The following MRAP2 variants were observed in gnomAD, a reference collection of about 807,000 sequenced individuals.
The protein encoded by MRAP2 is melanocortin-2 receptor accessory protein 2.
A neutral mutation model predicts 17.4 loss-of-function variants in MRAP2; 20 were observed. The ratio of observed to expected loss-of-function variants is 1.15; its 90% CI spans 0.81 to 1.67. MRAP2 has a LOEUF of 1.67. MRAP2 is among the 40% of genes most tolerant of loss of function. The probability of loss-of-function intolerance (pLI) is 0.00; values close to 1 mark genes in which losing one functional copy is unlikely to be tolerated. For synonymous variants in MRAP2, 96 were observed against 88.4 expected (o/e 1.09, Z -0.48); for missense variants, 238 against 240.0 (o/e 0.99, Z 0.05).
the MRAP2 span, among the ~76,000 whole-genome samples, chr6:84,145,952 T>C: frequency 6.6e-6 from 1 of 152,116 alleles, no homozygotes; most frequent in Non-Finnish European, 1.5e-5. Context: ...ATGCCTCTTA[T>C]TAGATCACCA....
intron 3 of MRAP2, among the ~76,000 whole-genome samples, chr6:84,070,986 C>A (rs2099496062): frequency 6.6e-6 from 1 of 152,086 alleles, no homozygotes; most frequent in African/African-American, 2.4e-5. Context: ...CTGAAGACAG[C>A]AGGTAGTTGG....
the MRAP2 span, among the ~76,000 whole-genome samples, chr6:84,136,831 T>C: frequency 6.6e-6 from 1 of 152,218 alleles, no homozygotes; most frequent in Non-Finnish European, 1.5e-5. Flanking sequence ...TTCTTCTGCA[T>C]GAGAAACTGA....
At chr6:84,115,843 A>G in the MRAP2 span, among the ~76,000 whole-genome samples, 1 of 151,834 alleles carries the variant, frequency 6.6e-6, no homozygotes, top group Non-Finnish European at 1.5e-5. Flanking sequence ...GAATTCCCTG[A>G]CCCTTTGTGC....
At chr6:84,068,629 TTTTTTTG>T (rs1257355339) in intron 3 of MRAP2, among the ~76,000 whole-genome samples, 3 of 151,862 alleles carry the variant, frequency 2.0e-5, no homozygotes, top group Admixed American at 6.6e-5. Context: ...CCTAAGTTTG[TTTTTTTG>T]TTTTTTGTTT....
intron 1 of MRAP2, among the ~76,000 whole-genome samples, chr6:84,053,269 T>C (rs2099490902): frequency 6.6e-6 from 1 of 152,236 alleles, no homozygotes; most frequent in South Asian, 2.1e-4. Flanking sequence ...TCTGCTATTA[T>C]AGTAGCTGTA....
In MRAP2 at chr6:84,089,374, A is replaced by C; in HGVS notation, c.511A>C (p.Asn171His). ...LMKFDIPNFV[N>H]TDQNYFGEDD... ...GAAGTTTGACATCCCCAACTTTGTG[A>C]ACACAGACCAGAACTACTTTGGGGA... The change falls in exon 4 of 4, where the codon AAC becomes CAC. Residue 171 changes from asparagine to histidine, a missense_variant. Coordinates refer to ENST00000257776, the MANE Select transcript of MRAP2 (RefSeq NM_138409.4). 1 of 1,614,168 alleles carries C rather than the reference A, an allele frequency of 6.2e-7. No homozygotes were observed. The highest frequency in any genetic ancestry group is 1.7e-5 in the Admixed American group (1 of 60,024).
In MRAP2 at chr6:84,036,633, G is replaced by C. The variant is rs565261672; in HGVS notation, c.-8+2750G>C. 5.9e-5 allele frequency among the ~76,000 whole-genome samples: 9 copies of C among 152,266 alleles called. No individual in the cohort carries two copies. In the East Asian group the frequency reaches 1.7e-3, roughly 29 times the overall value. ...GCAGCAGCAAGATTTATTGCAAAGA[G>C]GGAAAGACCAAAGCTTCCACAGTGT... On this transcript the variant is annotated intron_variant, in intron 1 of 3. Transcript: ENST00000257776.
At chr6:84,145,104 G>A in the MRAP2 span, among the ~76,000 whole-genome samples, 2 of 152,080 alleles carry the variant, frequency 1.3e-5, no homozygotes, top group Admixed American at 1.3e-4. Flanking sequence ...CGCCAATAAA[G>A]TCCCTTGGAA....
At chr6:84,102,768 C>G in the MRAP2 span, among the ~76,000 whole-genome samples, 1 of 151,710 alleles carries the variant, frequency 6.6e-6, no homozygotes, top group East Asian at 1.9e-4. Context: ...TGAGGAGGAC[C>G]TCGGTGATTA....
the MRAP2 span, among the ~76,000 whole-genome samples, chr6:84,119,269 G>A: frequency 6.6e-6 from 1 of 152,110 alleles, no homozygotes; most frequent in African/African-American, 2.4e-5. Context: ...ATTACATTGG[G>A]TAGTCTGGAT....
At chr6:84,120,113 T>C in the MRAP2 span, among the ~76,000 whole-genome samples, 8 of 152,212 alleles carry the variant, frequency 5.3e-5, no homozygotes, top group Admixed American at 1.3e-4. Flanking sequence ...TCCTGGAGTC[T>C]GTAGGCTAGA....
intron 1 of MRAP2, among the ~76,000 whole-genome samples, chr6:84,035,654 C>T (rs899885755): frequency 3.9e-5 from 6 of 152,242 alleles, no homozygotes; most frequent in African/African-American, 1.4e-4. Flanking sequence ...CCTGCTGCCT[C>T]TGCGTGAGTG....
At chr6:84,065,050 C>G (rs1407964190) in intron 3 of MRAP2, among the ~76,000 whole-genome samples, 2 of 152,008 alleles carry the variant, frequency 1.3e-5, no homozygotes, top group African/African-American at 4.8e-5. Flanking sequence ...TTCTGGAGGT[C>G]GAAGTGAGAG....
chr6:84,061,665 C>A (rs138448412), intron 2 of MRAP2: 2 of 525,444 alleles, frequency 3.8e-6, no homozygotes, highest in African/African-American at 4.1e-5. Flanking sequence ...TGGTAAGAGC[C>A]CTGGTAAGGT....
the MRAP2 span, among the ~76,000 whole-genome samples, chr6:84,128,254 C>CGG: frequency 6.6e-6 from 1 of 152,054 alleles, no homozygotes; most frequent in African/African-American, 2.4e-5. Context: ...TTAATTGCAC[C>CGG]TACCTAAAAG....
chr6:84,132,533 T>C, the MRAP2 span, among the ~76,000 whole-genome samples: 3 of 152,208 alleles, frequency 2.0e-5, no homozygotes, highest in East Asian at 5.8e-4. Flanking sequence ...TTGGAGGCTT[T>C]GTTCATTTCT....
chr6:84,084,882 T>TATTTC (rs2099499906), intron 3 of MRAP2, among the ~76,000 whole-genome samples: 1 of 131,804 alleles, frequency 7.6e-6, no homozygotes, highest in Non-Finnish European at 1.6e-5. Context: ...TATTTTATTT[T>TATTTC]ATTTTATTTT....
intron 2 of MRAP2, among the ~76,000 whole-genome samples, chr6:84,055,901 G>A (rs571156091): frequency 2.6e-5 from 4 of 152,242 alleles, no homozygotes; most frequent in East Asian, 1.9e-4. Context: ...TCATAATGAT[G>A]GACCAGAATA....
chr6:84,132,716 A>C, the MRAP2 span, among the ~76,000 whole-genome samples: 2 of 151,920 alleles, frequency 1.3e-5, no homozygotes, highest in South Asian at 4.2e-4. Context: ...GGTCTTCTCT[A>C]TGCTGTTTAT....
Sources: gnomAD v4.1 joint callset for allele counts (sites outside exome capture counted in the v4.1 genomes callset) on GRCh38, gnomAD v4.1.1 for gene constraint, MANE v1.5 for transcripts, NCBI Gene and HGNC (gene_info 2026-07-23, HGNC 2026-07-21) for gene names.